The following TMCO4 variants were observed in gnomAD, a reference collection of about 807,000 sequenced individuals.
TMCO4 encodes transmembrane and coiled-coil domains 4, also known as transmembrane and coiled-coil domain-containing protein 4.
TMCO4 carries 58 observed loss-of-function variants against 64.7 expected under a neutral mutation model. That is an observed-to-expected ratio of 0.90 (90% CI 0.73 to 1.12). The LOEUF is 1.12. Among genes scored for constraint, TMCO4 ranks in the 50% most tolerant of loss-of-function variants. TMCO4 has a pLI of 0.00. For synonymous variants in TMCO4, 325 were observed against 346.1 expected, an observed-to-expected ratio of 0.94 and a Z score of 0.68; for missense variants, 780 against 825.9, an observed-to-expected ratio of 0.94 and a Z score of 0.68.
Position 19,683,062 on chromosome 1 carries a change from C to A in TMCO4, c.1883G>T (p.Gly628Val). Residue 628 changes from glycine to valine, a missense_variant, in exon 16 of 16, where the codon GGC (glycine) becomes GTC (valine). Physicochemically the swap from Gly to Val is moderately radical, Grantham distance 109 (BLOSUM62 -3). Transcript: ENST00000294543. ...GCPDCACKTQ[G>V]PSTGLD ...TGGTCAGTCCAGCCCCGTGCTGGGG[C>A]CCTGGGTCTTGCAGGCACAATCGGG... 1.3e-6 allele frequency: 2 copies of A among 1,595,496 alleles called. No homozygotes were observed. The highest frequency in any genetic ancestry group is 1.7e-6 in the Non-Finnish European group (2 of 1,171,516).
chr1:19,741,098 G>A (rs1454911706), intron 10 of TMCO4, among the ~76,000 whole-genome samples, 157 bp from the exon 11 acceptor site: 3 of 152,200 alleles, frequency 2.0e-5, no homozygotes, highest in African/African-American at 7.2e-5. Context: ...CAGAGCTAGC[G>A]GAGCTCTGTG....
intron 13 of TMCO4, among the ~76,000 whole-genome samples, chr1:19,712,769 C>G (rs2095337322): frequency 6.6e-6 from 1 of 152,198 alleles, no homozygotes; most frequent in South Asian, 2.1e-4. Context: ...CATAGAAGGC[C>G]ATATGTCTTC....
At chr1:19,757,160 G>GGC (rs1003469504) in intron 6 of TMCO4, among the ~76,000 whole-genome samples, 1 of 78,034 alleles carries the variant, frequency 1.3e-5, no homozygotes, top group African/African-American at 5.5e-5. Context: ...GCGTGGTGGC[G>GGC]GGGGGGGGCG....
chr1:19,789,199 C>T (rs529815058), intron 2 of TMCO4, among the ~76,000 whole-genome samples: 32 of 152,110 alleles, frequency 2.1e-4, no homozygotes, highest in Admixed American at 1.2e-3. Flanking sequence ...TTGAGAAGCT[C>T]GAGACCAGCC....
At chr1:19,716,620 C>T (rs1263367358) in intron 13 of TMCO4, among the ~76,000 whole-genome samples, 4 of 151,990 alleles carry the variant, frequency 2.6e-5, no homozygotes, top group Middle Eastern at 3.4e-3. Flanking sequence ...GACAGGTAAG[C>T]GGCCCTCCCT....
chr1:19,724,906 C>T (rs923848551), intron 13 of TMCO4, among the ~76,000 whole-genome samples: 29 of 152,264 alleles, frequency 1.9e-4, no homozygotes, highest in African/African-American at 6.7e-4. Flanking sequence ...GGACTACAGG[C>T]GCACACCACA....
Position 19,717,106 on chromosome 1 carries a change from A to G in TMCO4, c.1265-16221T>C, listed in dbSNP as rs535275363. ...GAAGCTGAGGCAGGAGAATGGCTTG[A>G]ACTTGGGAGGCAGAGGTTGCAGTGA... On this transcript the variant is annotated intron_variant, in intron 13 of 15. Coordinates refer to ENST00000294543, the MANE Select transcript of TMCO4 (RefSeq NM_181719.7). Among the ~76,000 whole-genome samples, 8 of 152,316 alleles carry G rather than the reference A, an allele frequency of 5.3e-5. No individual in the cohort carries two copies. In the East Asian group the frequency reaches 1.4e-3, roughly 26 times the overall value.
chr1:19,783,876 C>T (rs1490548187), intron 3 of TMCO4, among the ~76,000 whole-genome samples: 1 of 152,200 alleles, frequency 6.6e-6, no homozygotes, highest in African/African-American at 2.4e-5. Flanking sequence ...TCAATGGTTG[C>T]TCTAGGAACC....
intron 12 of TMCO4, 144 bp downstream of exon 12, chr1:19,739,680 A>G: frequency 9.0e-7 from 1 of 1,110,008 alleles, no homozygotes; most frequent in East Asian, 2.5e-5. Context: ...CTTGAACTGG[A>G]GAGGCAGCAA....
chr1:19,697,192 C>T (rs1057155218), intron 14 of TMCO4, among the ~76,000 whole-genome samples: 4 of 152,214 alleles, frequency 2.6e-5, no homozygotes, highest in Non-Finnish European at 4.4e-5. Flanking sequence ...TTCCTATAGC[C>T]ATCCTTTCAA....
At chr1:19,795,268 C>G (rs889001992) in intron 2 of TMCO4, among the ~76,000 whole-genome samples, 3 of 151,802 alleles carry the variant, frequency 2.0e-5, no homozygotes, top group Admixed American at 1.3e-4. Flanking sequence ...GTCAGGAGTT[C>G]GAGACTACCT....
At chr1:19,694,152 C>T (rs1047476195) in intron 15 of TMCO4, among the ~76,000 whole-genome samples, 3 of 152,184 alleles carry the variant, frequency 2.0e-5, no homozygotes, top group African/African-American at 7.2e-5. Flanking sequence ...CAGGCACGCA[C>T]AACCATGCCC....
At chr1:19,731,743 A>C (rs2095430903) in intron 13 of TMCO4, among the ~76,000 whole-genome samples, 1 of 152,154 alleles carries the variant, frequency 6.6e-6, no homozygotes, top group Non-Finnish European at 1.5e-5. Context: ...GGGGTGAGTT[A>C]AAGCAGTCTG....
intron 2 of TMCO4, among the ~76,000 whole-genome samples, chr1:19,793,001 C>T (rs1356356398): frequency 6.6e-6 from 1 of 152,162 alleles, no homozygotes; most frequent in East Asian, 1.9e-4. Context: ...GAACACCTGG[C>T]TCAAGTGATC....
Position 19,717,734 on chromosome 1 carries a change from G to A in TMCO4, c.1265-16849C>T, listed in dbSNP as rs555084417. ...CAAAGCCTGCCCTCTCCTCCCTGGC[G>A]CCCTCCCTGCCTTCTGGAAGGAAAG... On this transcript the variant is annotated intron_variant, in intron 13 of 15. Transcript: ENST00000294543. Among the ~76,000 whole-genome samples the A allele has an allele frequency of 3.0e-3, 457 of 152,166 alleles. 8 individuals carry two copies. The highest frequency in any genetic ancestry group is 0.011 in the African/African-American group (442 of 41,504).
At chr1:19,706,561 G>A (rs895078644) in intron 13 of TMCO4, among the ~76,000 whole-genome samples, 2 of 152,182 alleles carry the variant, frequency 1.3e-5, no homozygotes, top group African/African-American at 2.4e-5. Flanking sequence ...TAGACATGTA[G>A]AGCGTTTATG....
chr1:19,754,021 GC>G (rs2100929523), intron 7 of TMCO4, among the ~76,000 whole-genome samples: 1 of 152,274 alleles, frequency 6.6e-6, no homozygotes, highest in African/African-American at 2.4e-5. Context: ...ACTCATCTGG[GC>G]CCCACAGGAA....
In TMCO4 at chr1:19,739,899, G is replaced by T; in HGVS notation, c.1104C>A (p.Asn368Lys). 1.2e-6 allele frequency: 2 copies of T among 1,614,042 alleles called. No individual in the cohort carries two copies. The highest frequency in any genetic ancestry group is 1.7e-6 in the Non-Finnish European group (2 of 1,179,996). ...SLLSVANVID[N>K]PWGVCLHRSA... ...ATCGATGGAGACACACCCCCCAGGG[G>T]TTGTCGATGACATTGGCGACACTGA... is the stretch of plus-strand genomic sequence containing the variant. Residue 368 changes from asparagine (N) to lysine (K), a missense_variant, in exon 12 of 16, where the codon AAC (asparagine) becomes AAA (lysine). By Grantham distance (94) the Asn-to-Lys change is moderately conservative. Coordinates refer to ENST00000294543, the MANE Select transcript of TMCO4 (RefSeq NM_181719.7).
At position 19,772,987 on chromosome 1, in the gene TMCO4, C is replaced by T. The variant is rs559855996; in HGVS notation, c.180-1505G>A. Among the ~76,000 whole-genome samples, 105 of 152,200 alleles carry T rather than the reference C, an allele frequency of 6.9e-4. 2 individuals carry two copies. Among genetic ancestry groups the T allele is most frequent in the South Asian group, 6.2e-4 (3 of 4,822 alleles). The stretch of plus-strand genomic sequence containing the variant: ...GGTGGATCACCTGAGGTCAGGAGTT[C>T]GAGACCAGCCTGGCCAACATGGTGA... On this transcript the variant is annotated intron_variant, in intron 4 of 15. Coordinates refer to ENST00000294543, the MANE Select transcript of TMCO4 (RefSeq NM_181719.7).
Sources: allele counts gnomAD v4.1 joint callset (sites outside exome capture counted in the v4.1 genomes callset), GRCh38; gene constraint gnomAD v4.1.1; transcripts MANE v1.5; gene names NCBI Gene and HGNC (gene_info 2026-07-23, HGNC 2026-07-21).